Variants in WDFY4 observed in about 807,000 individuals in gnomAD.
WDFY4 encodes the protein WDFY family member 4.
Under a neutral mutation model 351.9 loss-of-function variants are expected in WDFY4, and 169 were observed. That is an observed-to-expected ratio of 0.48 (90% confidence interval 0.42 to 0.55). The LOEUF is 0.55. Among genes scored for constraint, WDFY4 ranks in the 20% least tolerant of loss-of-function variants. The pLI is 0.00. For synonymous variants in WDFY4, 1,622 were observed against 1,574.6 expected, an observed-to-expected ratio of 1.03 and a Z score of -0.71; for missense variants, 3,803 against 3,935.6, an observed-to-expected ratio of 0.97 and a Z score of 0.90.
At chr10:48,774,851 T>C (rs2065976556) in intron 14 of WDFY4, among the ~76,000 whole-genome samples, 179 bp downstream of exon 14, 1 of 152,142 alleles carries the variant, frequency 6.6e-6, no homozygotes, top group Admixed American at 6.5e-5. Context: ...AGTGTGCAGG[T>C]GCCCACAAAG....
At chr10:48,969,996 G>T in intron 56 of WDFY4, 135 bp from the exon 57 acceptor site, 2 of 1,105,868 alleles carry the variant, frequency 1.8e-6, no homozygotes, top group Non-Finnish European at 2.5e-6. Flanking sequence ...TTGTCACCAA[G>T]AACTGGCTCC....
At chr10:48,886,125 G>C (rs1210827004) in intron 43 of WDFY4, among the ~76,000 whole-genome samples, 1 of 152,188 alleles carries the variant, frequency 6.6e-6, no homozygotes, top group Non-Finnish European at 1.5e-5. Context: ...TATATTGGCA[G>C]CTCTGTTGCT....
rs1452539296 is a variant in WDFY4 at position 48,957,137 on chromosome 10, C to T, written c.7986C>T (p.Ser2662=). ...TQAFCALQGG[S]FDVADRMFHS... is the part of the protein sequence containing the mutation. The stretch of plus-strand genomic sequence containing the variant: ...GGCTCCATTTCCCCCAGGGCGGAAG[C>T]TTCGACGTGGCAGACAGAATGTTCC... Residue 2662 remains serine (S), a synonymous_variant, in exon 52 of 62, where the codon AGC becomes AGT. Transcript: ENST00000325239. The T allele has an allele frequency of 3.2e-6, 5 of 1,549,844 alleles. No homozygotes were observed. Among genetic ancestry groups the T allele is most frequent in the Admixed American group, 2.0e-5 (1 of 50,960 alleles).
At chr10:48,780,890 C>T (rs533318979) in intron 19 of WDFY4, among the ~76,000 whole-genome samples, 1 of 152,326 alleles carries the variant, frequency 6.6e-6, no homozygotes, top group African/African-American at 2.4e-5. Context: ...CAGAATCTCT[C>T]TGGGTCAGGT....
At chr10:48,806,222 C>A (rs2067250744) in intron 27 of WDFY4, 127 bp downstream of exon 27, 1 of 864,980 alleles carries the variant, frequency 1.2e-6, no homozygotes, top group East Asian at 2.7e-5. Context: ...GCCGTGGTTT[C>A]CAAGCCGTGG....
chr10:48,738,956 C>T (rs1390457997), intron 11 of WDFY4, among the ~76,000 whole-genome samples: 2 of 152,198 alleles, frequency 1.3e-5, no homozygotes, highest in Non-Finnish European at 2.9e-5. Flanking sequence ...GTGGCACTTC[C>T]ATACCAACAC....
intron 38 of WDFY4, among the ~76,000 whole-genome samples, chr10:48,831,534 T>C (rs2068188958): frequency 1.3e-5 from 2 of 152,238 alleles, no homozygotes; most frequent in Admixed American, 1.3e-4. Flanking sequence ...TCCATGTATA[T>C]TGTCCCAGAC....
intron 9 of WDFY4, among the ~76,000 whole-genome samples, chr10:48,732,839 T>C (rs1348872492): frequency 6.6e-6 from 1 of 152,140 alleles, no homozygotes; most frequent in East Asian, 1.9e-4. Flanking sequence ...TCAGGCGTCT[T>C]ATGGAGGCCA....
At chr10:48,781,767 G>A (rs2066233164) in intron 19 of WDFY4, among the ~76,000 whole-genome samples, 2 of 152,134 alleles carry the variant, frequency 1.3e-5, no homozygotes, top group Admixed American at 1.3e-4. Flanking sequence ...TATTTTAGGT[G>A]CTAAGAATTG....
chr10:48,850,519 T>C (rs762469671), intron 39 of WDFY4, among the ~76,000 whole-genome samples: 33 of 152,340 alleles, frequency 2.2e-4, no homozygotes, highest in Non-Finnish European at 3.5e-4. Flanking sequence ...TTTTTTCTGC[T>C]CACAATTTTG....
chr10:48,977,037 C>T, intron 59 of WDFY4, 58 bp downstream of exon 59: 17 of 1,302,334 alleles, frequency 1.3e-5, no homozygotes, highest in Non-Finnish European at 1.7e-5. Flanking sequence ...CATCTCCATT[C>T]TTCTCACTTC....
intron 13 of WDFY4, among the ~76,000 whole-genome samples, chr10:48,766,510 A>G (rs2065676209): frequency 1.3e-5 from 2 of 152,176 alleles, no homozygotes; most frequent in African/African-American, 4.8e-5. Context: ...GGATTGCTTG[A>G]GCCCAGGAGG....
chr10:48,791,515 G>A (rs2066678996), intron 23 of WDFY4, among the ~76,000 whole-genome samples: 1 of 152,204 alleles, frequency 6.6e-6, no homozygotes, highest in African/African-American at 2.4e-5. Context: ...GCAGGGTTGT[G>A]ATGACTGTGT....
Position 48,792,889 on chromosome 10 carries a change from G to A in WDFY4, c.4257+1972G>A, listed in dbSNP as rs74130650. 8.7e-3 allele frequency among the ~76,000 whole-genome samples: 1,319 copies of A among 152,216 alleles called. 26 individuals are homozygous for A. Among genetic ancestry groups the A allele is most frequent in the African/African-American group, 0.03 (1,263 of 41,518 alleles). On this transcript the variant is annotated intron_variant, in intron 23 of 61. Coordinates refer to ENST00000325239, the MANE Select transcript of WDFY4 (RefSeq NM_001394531.1). ...AGTCCTGGGGATGGTGGGTGGGCGCGGTGAGCTCTCAGTGAGGGTTCAGAA... is the reference window on the plus strand; with the variant it reads ...AGTCCTGGGGATGGTGGGTGGGCGCAGTGAGCTCTCAGTGAGGGTTCAGAA...
chr10:48,865,068 T>A (rs1033202418), intron 39 of WDFY4, among the ~76,000 whole-genome samples: 4 of 152,214 alleles, frequency 2.6e-5, no homozygotes, highest in Non-Finnish European at 5.9e-5. Context: ...TCTTGTCTGG[T>A]TGTCCTGTCT....
chr10:48,760,398 G>A lies in WDFY4; in HGVS notation c.2511G>A (p.Met837Ile). The part of the protein sequence containing the change: ...AIMHPGVVCI[M>I]VRLLPRLYHE... ...TGCATCCCGGGGTCGTGTGCATCAT[G>A]GTGAGGCTGCTGCCTCGGTTGTACC... is the stretch of plus-strand genomic sequence containing the variant. Residue 837 changes from methionine (M) to isoleucine (I), a missense_variant, in exon 13 of 62, where the codon ATG becomes ATA. Met to Ile is a conservative substitution (Grantham distance 10). Around this residue, in one of 3 missense-constraint regions of WDFY4, gnomAD observed 3,054 missense variants for 3,148.6 expected, o/e 0.97. Coordinates refer to ENST00000325239, the MANE Select transcript of WDFY4 (RefSeq NM_001394531.1). 6.4e-7 allele frequency: 1 copy of A among 1,551,676 alleles called. No individual in the cohort carries two copies. The highest frequency in any genetic ancestry group is 8.7e-7 in the Non-Finnish European group (1 of 1,146,986).
intron 45 of WDFY4, among the ~76,000 whole-genome samples, chr10:48,898,385 A>G (rs1837194895): frequency 6.6e-6 from 1 of 152,168 alleles, no homozygotes; most frequent in Non-Finnish European, 1.5e-5. Flanking sequence ...GGCAGCTGGC[A>G]GAAAAGGGGA....
chr10:48,742,115 C>G (rs551692596), intron 11 of WDFY4, among the ~76,000 whole-genome samples: 6 of 152,002 alleles, frequency 3.9e-5, no homozygotes, highest in Non-Finnish European at 7.4e-5. Flanking sequence ...ATACCATGCA[C>G]TGGGCCCAAG....
At chr10:48,928,116 T>A (rs1478399315) in intron 47 of WDFY4, among the ~76,000 whole-genome samples, 8 of 152,088 alleles carry the variant, frequency 5.3e-5, no homozygotes, top group Non-Finnish European at 8.8e-5. Flanking sequence ...TCCTCACAGC[T>A]CCTCTCCTCC....
Sources: allele counts gnomAD v4.1 joint callset (sites outside exome capture counted in the v4.1 genomes callset), GRCh38; gene constraint gnomAD v4.1.1; regional missense constraint gnomAD v4.1.1; transcripts MANE v1.5; gene names NCBI Gene and HGNC (gene_info 2026-07-23, HGNC 2026-07-21).